Variants in AGBL4 observed in about 807,000 individuals in gnomAD.
AGBL4 encodes the protein cytosolic carboxypeptidase 6.
AGBL4 carries 58 observed loss-of-function variants against 66.4 expected under a neutral mutation model. The observed-to-expected ratio is 0.87, with a 90% confidence interval of 0.71 to 1.09. The LOEUF is 1.09. Among genes scored for constraint, AGBL4 ranks in the 50% least tolerant of loss-of-function variants. The pLI is 0.00. For synonymous variants in AGBL4, 234 were observed against 222.9 expected, an observed-to-expected ratio of 1.05 and a Z score of -0.44; for missense variants, 579 against 631.0, an observed-to-expected ratio of 0.92 and a Z score of 0.88.
intron 3 of AGBL4, among the ~76,000 whole-genome samples, chr1:49,689,108 T>C (rs1357768212): frequency 6.6e-6 from 1 of 152,202 alleles, no homozygotes; most frequent in Non-Finnish European, 1.5e-5. Flanking sequence ...TTGCTTTGGT[T>C]GCCTATGTTT....
At chr1:49,758,691 T>A (rs1265814764) in intron 2 of AGBL4, among the ~76,000 whole-genome samples, 3 of 150,364 alleles carry the variant, frequency 2.0e-5, no homozygotes, top group African/African-American at 7.3e-5. Context: ...CATAACCCAA[T>A]CATATCTTAG....
intron 3 of AGBL4, among the ~76,000 whole-genome samples, chr1:49,409,099 CT>C (rs1645263165): frequency 6.6e-6 from 1 of 152,024 alleles, no homozygotes; most frequent in Non-Finnish European, 1.5e-5. Flanking sequence ...CTTTCTCTGT[CT>C]TTTTCTGTCT....
intron 1 of AGBL4, among the ~76,000 whole-genome samples, chr1:50,011,527 C>A (rs2148437363): frequency 1.3e-5 from 2 of 152,258 alleles, no homozygotes; most frequent in African/African-American, 4.8e-5. Context: ...AATCTCACTG[C>A]CGGGTATATA....
intron 6 of AGBL4, among the ~76,000 whole-genome samples, chr1:48,717,386 CTGTT>C (rs1038071635): frequency 6.6e-6 from 1 of 152,214 alleles, no homozygotes; most frequent in Non-Finnish European, 1.5e-5. Flanking sequence ...GTCACAGACT[CTGTT>C]TCACTCTGCC....
chr1:48,848,924 T>A (rs1233595179), intron 6 of AGBL4, among the ~76,000 whole-genome samples: 38 of 152,188 alleles, frequency 2.5e-4, no homozygotes, highest in Admixed American at 2.5e-3. Context: ...GGCAGCACCT[T>A]TTTCCCCTTT....
intron 6 of AGBL4, among the ~76,000 whole-genome samples, chr1:48,669,455 C>T (rs1646241920): frequency 6.6e-6 from 1 of 151,994 alleles, no homozygotes; most frequent in Admixed American, 6.6e-5. Context: ...GCCAGTAACA[C>T]CTCTCCCTCC....
Position 49,383,557 on chromosome 1 carries a change from C to A in AGBL4, c.283-137693G>T, listed in dbSNP as rs115108197. Reference sequence around the variant, plus strand: ...CTGCACAATGGGGAAAGTACAGTTTCTTCAATTACTGGTGTTGAGAAAACT... The same window carrying A: ...CTGCACAATGGGGAAAGTACAGTTTATTCAATTACTGGTGTTGAGAAAACT... On this transcript the variant is annotated intron_variant, in intron 3 of 13. Coordinates refer to ENST00000371839, the MANE Select transcript of AGBL4 (RefSeq NM_032785.4). Among the ~76,000 whole-genome samples the A allele has an allele frequency of 3.5e-3, 540 of 152,140 alleles. 4 individuals carry two copies. The highest frequency in any genetic ancestry group is 0.012 in the African/African-American group (483 of 41,518).
chr1:48,644,654 GA>G (rs1645807037), intron 8 of AGBL4, among the ~76,000 whole-genome samples: 1 of 152,216 alleles, frequency 6.6e-6, no homozygotes, highest in Non-Finnish European at 1.5e-5. Context: ...TAAGACAATG[GA>G]AAGAGCCCAG....
chr1:49,948,053 T>TATATATAAATATATATATACATATAA (rs1557608085), intron 1 of AGBL4, among the ~76,000 whole-genome samples: 2 of 6,122 alleles, frequency 3.3e-4, no homozygotes, highest in Non-Finnish European at 6.1e-4. Context: ...AATATATAAA[T>TATATATAAATATATATATACATATAA]ATATATATGT....
chr1:48,598,127 G>C (rs1178661496), intron 9 of AGBL4, among the ~76,000 whole-genome samples: 2 of 152,200 alleles, frequency 1.3e-5, no homozygotes, highest in African/African-American at 4.8e-5. Context: ...AGATCACACA[G>C]GGCCTTGAAG....
At chr1:49,539,177 A>G (rs1396482774) in intron 3 of AGBL4, among the ~76,000 whole-genome samples, 3 of 152,180 alleles carry the variant, frequency 2.0e-5, no homozygotes, top group African/African-American at 4.8e-5. Context: ...ATAAAAATAT[A>G]CAGTATAATG....
chr1:48,901,608 C>T (rs1652086753), intron 5 of AGBL4, among the ~76,000 whole-genome samples: 1 of 151,944 alleles, frequency 6.6e-6, no homozygotes, highest in Non-Finnish European at 1.5e-5. Flanking sequence ...GTAAAAGAAG[C>T]CTGACAAAAA....
At chr1:49,921,204 C>T (rs539522517) in intron 1 of AGBL4, among the ~76,000 whole-genome samples, 133 of 151,354 alleles carry the variant, frequency 8.8e-4, no homozygotes, top group Non-Finnish European at 1.6e-3. Flanking sequence ...CAAACCTGCA[C>T]GTTGTGCACA....
Position 49,064,745 on chromosome 1 carries a change from A to C in AGBL4, c.378-18945T>G, listed in dbSNP as rs553555146. Among the ~76,000 whole-genome samples, 5 of 152,344 alleles carry C rather than the reference A, an allele frequency of 3.3e-5. No individual in the cohort carries two copies. The South Asian group carries it at 1.0e-3, about 32-fold the overall frequency. Reference sequence around the variant, plus strand: ...CTTGGAATTACGTTTTAGAACAATAATGTTGAGAAAGAAAAATTTGAATTT... The same window carrying C: ...CTTGGAATTACGTTTTAGAACAATACTGTTGAGAAAGAAAAATTTGAATTT... On this transcript the variant is annotated intron_variant, in intron 4 of 13. Coordinates refer to ENST00000371839, the MANE Select transcript of AGBL4 (RefSeq NM_032785.4).
chr1:48,925,501 A>G (rs1008555649), intron 5 of AGBL4, among the ~76,000 whole-genome samples: 1 of 152,132 alleles, frequency 6.6e-6, no homozygotes, highest in Non-Finnish European at 1.5e-5. Context: ...TTAAAACATT[A>G]TGAGATTTTT....
At chr1:48,578,002 G>C (rs1644680908) in intron 11 of AGBL4, among the ~76,000 whole-genome samples, 1 of 152,180 alleles carries the variant, frequency 6.6e-6, no homozygotes, top group Non-Finnish European at 1.5e-5. Flanking sequence ...ACCACTACTA[G>C]CTGTGCAGCC....
rs554830268 is a variant in AGBL4, at chr1:49,978,982, T to G, written c.34+44781A>C. Among the ~76,000 whole-genome samples the G allele has an allele frequency of 2.3e-3, 343 of 152,296 alleles. 1 individual carries two copies. The highest frequency in any genetic ancestry group is 7.1e-3 in the African/African-American group (294 of 41,568). ...TTTTTCAGTAAGTATATTGAAAAAT[T>G]TTTTGAAGATTTGTGACAATTTTTT... is the stretch of plus-strand genomic sequence containing the variant. On this transcript the variant is annotated intron_variant, in intron 1 of 13. Transcript: ENST00000371839.
chr1:49,609,517 A>G (rs894018857), intron 3 of AGBL4, among the ~76,000 whole-genome samples: 6 of 152,170 alleles, frequency 3.9e-5, no homozygotes, highest in Admixed American at 6.5e-5. Context: ...ATGGTACAAC[A>G]GAAAAAGAAG....
intron 11 of AGBL4, among the ~76,000 whole-genome samples, chr1:48,567,952 C>T (rs1302433371): frequency 1.3e-5 from 2 of 152,144 alleles, no homozygotes; most frequent in African/African-American, 4.8e-5. Flanking sequence ...GGGACCTGTA[C>T]GTTGGTACAG....
Sources: gnomAD v4.1 joint callset for allele counts (sites outside exome capture counted in the v4.1 genomes callset) on GRCh38, gnomAD v4.1.1 for gene constraint, MANE v1.5 for transcripts, NCBI Gene and HGNC (gene_info 2026-07-23, HGNC 2026-07-21) for gene names.